The following SUGCT variants were observed in gnomAD, a reference collection of about 807,000 sequenced individuals.
SUGCT encodes the protein succinyl-CoA:glutarate-CoA transferase, also known as succinyl-CoA:glutarate CoA-transferase.
In SUGCT, 41 loss-of-function variants were observed where a neutral mutation model predicts 55.0. The ratio of observed to expected loss-of-function variants is 0.74; its 90% confidence interval spans 0.58 to 0.97. The LOEUF (loss-of-function observed/expected upper bound fraction) is 0.97. Ranked by LOEUF, SUGCT falls within the 50% of genes least tolerant of loss-of-function variation. The pLI, the probability that SUGCT is intolerant of heterozygous loss-of-function variation, is 0.00. For missense variants in SUGCT, 568 were observed against 547.8 expected (o/e 1.04, Z -0.37); for synonymous variants, 187 against 200.4 (o/e 0.93, Z 0.56).
chr7:40,535,377 T>A (rs1404467595), intron 12 of SUGCT, among the ~76,000 whole-genome samples: 14 of 152,200 alleles, frequency 9.2e-5, no homozygotes, highest in Admixed American at 8.5e-4. Flanking sequence ...ATAGACATTG[T>A]TACCTCCCAC....
intron 13 of SUGCT, among the ~76,000 whole-genome samples, chr7:40,806,601 T>C: frequency 6.6e-6 from 1 of 152,290 alleles, no homozygotes; most frequent in South Asian, 2.1e-4. Flanking sequence ...TTTGTTTTGT[T>C]AGGAAAAACA....
chr7:40,872,924 A>G, the SUGCT span, among the ~76,000 whole-genome samples: 34,100 of 151,954 alleles, frequency 0.22, 4,887 homozygotes, highest in East Asian at 0.71. Context: ...GAGGTGGATT[A>G]AGGCTAAAGT....
At chr7:40,617,473 A>ATGTG (rs1437309315) in intron 12 of SUGCT, among the ~76,000 whole-genome samples, 28 of 133,478 alleles carry the variant, frequency 2.1e-4, no homozygotes, top group African/African-American at 8.3e-4. Flanking sequence ...GGTTAGATTT[A>ATGTG]TATGTGTGTG....
intron 12 of SUGCT, among the ~76,000 whole-genome samples, chr7:40,707,610 A>G (rs962661145): frequency 6.6e-6 from 1 of 152,208 alleles, no homozygotes; most frequent in African/African-American, 2.4e-5. Flanking sequence ...ATGATCCTTA[A>G]GGCATGTGAA....
At chr7:40,792,648 A>G (rs1163163513) in intron 13 of SUGCT, among the ~76,000 whole-genome samples, 33 of 152,122 alleles carry the variant, frequency 2.2e-4, no homozygotes, top group Admixed American at 2.0e-3. Flanking sequence ...AGTTGACTGT[A>G]GGTGGAGAAT....
intron 12 of SUGCT, among the ~76,000 whole-genome samples, chr7:40,666,919 G>A (rs780959586): frequency 7.2e-5 from 11 of 152,156 alleles, no homozygotes; most frequent in South Asian, 4.2e-4. Flanking sequence ...CTTGAGCCCA[G>A]GAGTTTGAGA....
chr7:40,990,538 G>C, the SUGCT span, among the ~76,000 whole-genome samples: 1 of 152,178 alleles, frequency 6.6e-6, no homozygotes, highest in Non-Finnish European at 1.5e-5. Context: ...TCAACTTAAA[G>C]TCACCAGCTG....
At chr7:40,362,885 T>C (rs2151226687) in intron 9 of SUGCT, among the ~76,000 whole-genome samples, 1 of 152,266 alleles carries the variant, frequency 6.6e-6, no homozygotes, top group Non-Finnish European at 1.5e-5. Context: ...TGCAATTTTG[T>C]CTTATAGTAT....
At position 40,721,879 on chromosome 7, in the gene SUGCT, A is replaced by G. The variant is rs139915353; in HGVS notation, c.1090-27555A>G. ...TTTTACATAGCTTGAAGTTGAAAATATGATTCCCAATGAGACTTTTAGAGT... is the reference window on the plus strand; with the variant it reads ...TTTTACATAGCTTGAAGTTGAAAATGTGATTCCCAATGAGACTTTTAGAGT... On this transcript the variant is annotated intron_variant, in intron 12 of 13. Transcript: ENST00000335693. Among the ~76,000 whole-genome samples, 412 of 152,338 alleles carry G rather than the reference A, an allele frequency of 2.7e-3. 2 individuals carry two copies. Among genetic ancestry groups the G allele is most frequent in the Non-Finnish European group, 4.9e-3 (331 of 68,030 alleles).
intron 12 of SUGCT, among the ~76,000 whole-genome samples, chr7:40,648,545 G>A (rs1800632269): frequency 6.6e-6 from 1 of 152,178 alleles, no homozygotes; most frequent in South Asian, 2.1e-4. Flanking sequence ...GTGAATGTGA[G>A]CTCACTTGGA....
At chr7:40,270,887 T>C (rs1187572692) in intron 7 of SUGCT, among the ~76,000 whole-genome samples, 3 of 129,964 alleles carry the variant, frequency 2.3e-5, no homozygotes, top group African/African-American at 8.4e-5. Flanking sequence ...TATTTTATTA[T>C]TTTAAGAGTA....
chr7:40,616,414 G>A (rs559500583), intron 12 of SUGCT, among the ~76,000 whole-genome samples: 30 of 151,906 alleles, frequency 2.0e-4, no homozygotes, highest in African/African-American at 4.8e-4. Flanking sequence ...CAGGCTGACC[G>A]CAAGTGATCT....
chr7:40,981,476 T>C, the SUGCT span, among the ~76,000 whole-genome samples: 3 of 152,236 alleles, frequency 2.0e-5, no homozygotes, highest in Non-Finnish European at 4.4e-5. Context: ...TATTAAATGG[T>C]TGATCATCCA....
chr7:40,439,256 C>T (rs1397954313), intron 9 of SUGCT, among the ~76,000 whole-genome samples: 6 of 151,160 alleles, frequency 4.0e-5, no homozygotes, highest in African/African-American at 7.3e-5. Flanking sequence ...AACCATCCAT[C>T]GTCTCTTGTT....
rs926817340 is a variant in SUGCT, at chr7:40,538,000, A to G, written c.1089+41614A>G. On this transcript the variant is annotated intron_variant, in intron 12 of 13. Coordinates refer to ENST00000335693, the MANE Select transcript of SUGCT (RefSeq NM_001193313.2). ...GGTTAGAATAATGAACACGATAGCT[A>G]TGAAACATTGTTTCCTTTGCTTAGT... 8 of 152,196 alleles carry G rather than the reference A, an allele frequency of 5.3e-5. No homozygotes were observed. In the East Asian group the frequency reaches 1.3e-3, roughly 26 times the overall value. 9.4% of individuals were successfully genotyped at this position (152,196 alleles called of 1,614,324 possible). A position where few individuals can be genotyped will look rare whatever the true frequency, so the allele number is the denominator to read the frequency against.
At chr7:40,153,400 G>A (rs771165112) in intron 1 of SUGCT, 42 of 367,228 alleles carry the variant, frequency 1.1e-4, no homozygotes, top group African/African-American at 1.9e-4. Context: ...GTGGAAGGCC[G>A]ACATGACCAA....
chr7:40,528,900 C>T (rs1027110091), intron 12 of SUGCT, among the ~76,000 whole-genome samples: 1 of 152,148 alleles, frequency 6.6e-6, no homozygotes, highest in African/African-American at 2.4e-5. Context: ...TGGCAGTCTT[C>T]AAGCAAGCAC....
intron 12 of SUGCT, among the ~76,000 whole-genome samples, chr7:40,696,628 C>T (rs185707316): frequency 6.6e-6 from 1 of 152,306 alleles, no homozygotes; most frequent in Non-Finnish European, 1.5e-5. Context: ...GCAGTTGAGC[C>T]ACTAGGAATG....
At chr7:40,747,111 T>A (rs1413759774) in intron 12 of SUGCT, among the ~76,000 whole-genome samples, 1 of 152,148 alleles carries the variant, frequency 6.6e-6, no homozygotes, top group Admixed American at 6.6e-5. Flanking sequence ...ATAGCACAAT[T>A]CTAACACTGG....
Sources: allele counts gnomAD v4.1 joint callset (sites outside exome capture counted in the v4.1 genomes callset), GRCh38; gene constraint gnomAD v4.1.1; transcripts MANE v1.5; gene names NCBI Gene and HGNC (gene_info 2026-07-23, HGNC 2026-07-21).